Variants in EPHB1 observed in about 807,000 individuals in gnomAD.
EPHB1 encodes the protein EPH receptor B1.
In EPHB1, 30 loss-of-function variants were observed where a neutral mutation model predicts 94.4. That is an observed-to-expected ratio of 0.32 (90% CI 0.24 to 0.43). The LOEUF (loss-of-function observed/expected upper bound fraction) is 0.43. Ranked by LOEUF, EPHB1 falls within the 20% of genes least tolerant of loss-of-function variation. The probability of loss-of-function intolerance (pLI) is 1.00; values close to 1 mark genes in which losing one functional copy is unlikely to be tolerated. For synonymous variants in EPHB1, 522 were observed against 489.1 expected (o/e 1.07, Z -0.89); for missense variants, 1,055 against 1,308.3 (o/e 0.81, Z 2.99).
At chr3:135,062,497 A>G (rs1441496764) in intron 3 of EPHB1, among the ~76,000 whole-genome samples, 3 of 151,852 alleles carry the variant, frequency 2.0e-5, no homozygotes, top group East Asian at 3.9e-4. Flanking sequence ...TTCTTTTGAG[A>G]ATTGTCTATT....
At chr3:135,245,080 A>G (rs1224509781) in intron 13 of EPHB1, among the ~76,000 whole-genome samples, 1 of 152,204 alleles carries the variant, frequency 6.6e-6, no homozygotes, top group Non-Finnish European at 1.5e-5. Flanking sequence ...CTTTTCAAAT[A>G]CTATCTTCCT....
rs146478163 is a variant in EPHB1 at position 134,882,658 on chromosome 3, C to CTCCT, written c.59-43139_59-43136dup. Among the ~76,000 whole-genome samples, 68 of 148,478 alleles carry CTCCT rather than the reference C, an allele frequency of 4.6e-4. 1 individual carries two copies. The highest frequency in any genetic ancestry group is 2.5e-4 in the African/African-American group (10 of 40,472). Reference sequence around the variant, plus strand: ...CATGTCTTTCTCTTGCAATCTTTCTCTCCTTCCTTCCTTCCTTCCTTCTTT... The same window carrying CTCCT: ...CATGTCTTTCTCTTGCAATCTTTCTCTCCTTCCTTCCTTCCTTCCTTCCTTCTTT... On this transcript the variant is annotated intron_variant, in intron 1 of 15. Transcript: ENST00000398015.
intron 3 of EPHB1, among the ~76,000 whole-genome samples, chr3:135,103,030 G>A (rs532172427): frequency 1.3e-5 from 2 of 152,088 alleles, no homozygotes; most frequent in South Asian, 2.1e-4. Context: ...ATGCATGCAG[G>A]GCTTAAAACC....
At chr3:135,242,939 G>A (rs2107728780) in intron 13 of EPHB1, among the ~76,000 whole-genome samples, 1 of 152,038 alleles carries the variant, frequency 6.6e-6, no homozygotes, top group South Asian at 2.1e-4. Flanking sequence ...AGCCAGGTAT[G>A]GTGGCACATG....
intron 1 of EPHB1, chr3:134,840,563 C>A (rs1016223790): frequency 1.3e-5 from 2 of 152,182 alleles, no homozygotes; most frequent in Admixed American, 1.3e-4. Context: ...AAAATAGTTT[C>A]TCAGTGCCCA....
chr3:135,226,903 G>A (rs902859569), intron 12 of EPHB1, among the ~76,000 whole-genome samples: 3 of 151,618 alleles, frequency 2.0e-5, no homozygotes, highest in Admixed American at 6.6e-5. Flanking sequence ...AGTCCTAAGT[G>A]AATTAATGCA....
At chr3:135,048,771 G>A (rs1047408083) in intron 3 of EPHB1, among the ~76,000 whole-genome samples, 1 of 152,182 alleles carries the variant, frequency 6.6e-6, no homozygotes. Context: ...TTTGCTAAAG[G>A]GCCACTGTGT....
chr3:135,208,501 C>T (rs905051), intron 12 of EPHB1, among the ~76,000 whole-genome samples: 39,576 of 152,024 alleles, frequency 0.26, 5,445 homozygotes, highest in East Asian at 0.52. Context: ...CACCAAAAAG[C>T]CATTAAGCAG....
At chr3:134,818,197 A>G (rs1184466931) in intron 1 of EPHB1, among the ~76,000 whole-genome samples, 1 of 152,110 alleles carries the variant, frequency 6.6e-6, no homozygotes, top group African/African-American at 2.4e-5. Flanking sequence ...TCTCTACCCT[A>G]CTTTCATTTA....
chr3:135,057,171 G>T (rs72975553), intron 3 of EPHB1, among the ~76,000 whole-genome samples: 2,881 of 152,310 alleles, frequency 0.019, 92 homozygotes, highest in African/African-American at 0.066. Context: ...TGGTTGCAAA[G>T]ATGAGCTCCA....
chr3:134,973,852 A>G (rs1405022460), intron 3 of EPHB1, among the ~76,000 whole-genome samples: 1 of 152,208 alleles, frequency 6.6e-6, no homozygotes, highest in Non-Finnish European at 1.5e-5. Context: ...GGAATACTCA[A>G]TCCTAGAGAA....
chr3:135,250,712 C>CACAT (rs1302741615), intron 15 of EPHB1, among the ~76,000 whole-genome samples: 12 of 152,110 alleles, frequency 7.9e-5, no homozygotes, highest in African/African-American at 2.9e-4. Context: ...CAAACACACA[C>CACAT]ACATACACAC....
chr3:135,216,518 T>A (rs1157845354), intron 12 of EPHB1, among the ~76,000 whole-genome samples: 2 of 151,216 alleles, frequency 1.3e-5, no homozygotes, highest in Non-Finnish European at 2.9e-5. Flanking sequence ...AGGTCAGGAG[T>A]TTGAGACCAG....
At chr3:135,179,079 T>C (rs1267446114) in intron 9 of EPHB1, among the ~76,000 whole-genome samples, 2 of 152,216 alleles carry the variant, frequency 1.3e-5, no homozygotes, top group African/African-American at 4.8e-5. Flanking sequence ...GACAATTCTC[T>C]ACTTTGTCCC....
At chr3:135,111,908 G>C (rs1939461954) in intron 4 of EPHB1, among the ~76,000 whole-genome samples, 1 of 152,162 alleles carries the variant, frequency 6.6e-6, no homozygotes, top group Non-Finnish European at 1.5e-5. Flanking sequence ...TCGAACTCCT[G>C]ACCTTGTGAT....
chr3:135,237,542 C>A (rs1021252546), intron 12 of EPHB1, among the ~76,000 whole-genome samples: 1 of 152,008 alleles, frequency 6.6e-6, no homozygotes, highest in East Asian at 2.0e-4. Context: ...GTGACCCCTG[C>A]GGCAGCTCTA....
At chr3:134,928,293 A>T (rs1433414182) in intron 2 of EPHB1, among the ~76,000 whole-genome samples, 1 of 152,206 alleles carries the variant, frequency 6.6e-6, no homozygotes, top group East Asian at 1.9e-4. Flanking sequence ...GCCATGTTGG[A>T]TACCCCATCA....
intron 1 of EPHB1, among the ~76,000 whole-genome samples, chr3:134,870,968 C>G (rs2037487076): frequency 6.6e-6 from 1 of 152,176 alleles, no homozygotes; most frequent in Non-Finnish European, 1.5e-5. Flanking sequence ...TCCCTTATAC[C>G]AGGCTGGCTA....
intron 2 of EPHB1, among the ~76,000 whole-genome samples, chr3:134,943,556 C>T (rs1179004600): frequency 6.6e-6 from 1 of 152,042 alleles, no homozygotes; most frequent in Non-Finnish European, 1.5e-5. Flanking sequence ...CTTTTGAATA[C>T]CCGACTGACC....
Sources: allele counts gnomAD v4.1 joint callset (sites outside exome capture counted in the v4.1 genomes callset), GRCh38; gene constraint gnomAD v4.1.1; transcripts MANE v1.5; gene names NCBI Gene and HGNC (gene_info 2026-07-23, HGNC 2026-07-21).